CCSER1: variants seen among roughly 807,000 people sequenced by gnomAD.
CCSER1 encodes the protein serine-rich coiled-coil domain-containing protein 1.
In CCSER1, 41 loss-of-function variants were observed where a neutral mutation model predicts 82.0. The observed-to-expected ratio is 0.50, with a 90% CI of 0.39 to 0.65. The LOEUF is 0.65. Ranked by LOEUF, CCSER1 falls within the 30% of genes least tolerant of loss-of-function variation. The probability of loss-of-function intolerance (pLI) is 0.00; values close to 1 mark genes in which losing one functional copy is unlikely to be tolerated. For synonymous variants in CCSER1, 414 were observed against 383.9 expected (o/e 1.08, Z -0.92); for missense variants, 1,119 against 1,064.2 (o/e 1.05, Z -0.72).
At chr4:90,160,389 A>G (rs1729209539) in intron 1 of CCSER1, among the ~76,000 whole-genome samples, 1 of 152,220 alleles carries the variant, frequency 6.6e-6, no homozygotes, top group Non-Finnish European at 1.5e-5. Context: ...GAAGATGACT[A>G]CAGTCAGAAT....
intron 10 of CCSER1, among the ~76,000 whole-genome samples, chr4:91,342,669 C>A (rs1747795822): frequency 6.6e-6 from 1 of 152,014 alleles, no homozygotes; most frequent in Non-Finnish European, 1.5e-5. Context: ...CAACATCTAA[C>A]AAGAAATTCC....
intron 9 of CCSER1, among the ~76,000 whole-genome samples, chr4:91,040,499 A>T (rs370927984): frequency 8.5e-5 from 13 of 152,312 alleles, no homozygotes; most frequent in South Asian, 8.3e-4. Context: ...ATCCTAAATC[A>T]TATTGAAAAT....
rs1467000183 is a variant in CCSER1, at chr4:91,598,945, G to A, written c.2591G>A (p.Gly864Glu). The A allele has an allele frequency of 2.6e-6, 4 of 1,551,590 alleles. No individual in the cohort carries two copies. Among genetic ancestry groups the A allele is most frequent in the African/African-American group, 1.4e-5 (1 of 73,152 alleles). Residue 864 changes from glycine to glutamate, a missense_variant, in exon 11 of 11, where the codon GGA becomes GAA. By Grantham distance (98) the Gly-to-Glu change is moderately conservative. Transcript: ENST00000509176. ...CATTCGACCTTTACAGGCAGGTTTG[G>A]ACAGCCACCCAGAGGGCCAATCTCT... is the stretch of plus-strand genomic sequence containing the variant. ...RQHSTFTGRF[G>E]QPPRGPISLH... is the part of the protein sequence containing the mutation.
intron 10 of CCSER1, among the ~76,000 whole-genome samples, chr4:91,272,255 C>T (rs1217697320): frequency 6.6e-6 from 1 of 152,182 alleles, no homozygotes; most frequent in Non-Finnish European, 1.5e-5. Context: ...TGCATTCACA[C>T]CAATATCTAT....
At chr4:90,869,614 C>A (rs975931021) in intron 8 of CCSER1, among the ~76,000 whole-genome samples, 1 of 151,242 alleles carries the variant, frequency 6.6e-6, no homozygotes, top group African/African-American at 2.4e-5. Context: ...AGCTTTGTAG[C>A]GTTAAGTTGA....
At chr4:90,397,000 C>T (rs1305520777) in intron 3 of CCSER1, among the ~76,000 whole-genome samples, 2 of 152,022 alleles carry the variant, frequency 1.3e-5, no homozygotes, top group African/African-American at 2.4e-5. Context: ...AGGGAGAGAT[C>T]TGGAAAAGAT....
intron 1 of CCSER1, among the ~76,000 whole-genome samples, chr4:90,156,617 C>T (rs980185928): frequency 6.6e-6 from 1 of 152,146 alleles, no homozygotes; most frequent in Admixed American, 6.5e-5. Flanking sequence ...GATCCCTTTA[C>T]CATTATGTAA....
rs150121160 is a variant in CCSER1, at chr4:91,492,974, A to T, written c.2218-105598A>T. Among the ~76,000 whole-genome samples, 73 of 152,124 alleles carry T rather than the reference A, an allele frequency of 4.8e-4. No individual in the cohort carries two copies. The East Asian group carries it at 0.012, about 25-fold the overall frequency. On this transcript the variant is annotated intron_variant, in intron 10 of 10. Coordinates refer to ENST00000509176, the MANE Select transcript of CCSER1 (RefSeq NM_001145065.2). ...TGAGTTCTCATTTTACATAGTGTAG[A>T]TTATTTTGTGTGTTCCATTAAAAGC...
At chr4:91,227,459 T>C (rs2149109706) in intron 10 of CCSER1, among the ~76,000 whole-genome samples, 1 of 152,006 alleles carries the variant, frequency 6.6e-6, no homozygotes, top group East Asian at 1.9e-4. Context: ...TGTGTGTGTG[T>C]ATGTGTATGA....
chr4:91,399,520 G>A (rs771656052), intron 10 of CCSER1, among the ~76,000 whole-genome samples: 2 of 151,904 alleles, frequency 1.3e-5, no homozygotes, highest in Non-Finnish European at 2.9e-5. Context: ...TCTAACCACT[G>A]AACAGGGATT....
chr4:90,187,453 A>G (rs1734824709), intron 1 of CCSER1, among the ~76,000 whole-genome samples: 1 of 151,038 alleles, frequency 6.6e-6, no homozygotes, highest in Non-Finnish European at 1.5e-5. Flanking sequence ...ACACACACAA[A>G]CTCAATTCTG....
intron 1 of CCSER1, among the ~76,000 whole-genome samples, chr4:90,292,879 A>G (rs1340749647): frequency 6.6e-6 from 1 of 151,944 alleles, no homozygotes; most frequent in African/African-American, 2.4e-5. Context: ...AGACACAGAA[A>G]TAATTATAAA....
chr4:91,151,079 G>T (rs887465450), intron 10 of CCSER1, among the ~76,000 whole-genome samples: 1 of 152,122 alleles, frequency 6.6e-6, no homozygotes, highest in Non-Finnish European at 1.5e-5. Flanking sequence ...GTAGAATTTT[G>T]CTGTGAATCT....
Position 90,923,353 on chromosome 4 carries a change from GT to G in CCSER1, c.2095-11del, listed in dbSNP as rs1167583737. ...ACCTCACCAACAATGTGTTGTTGCT[GT>G]TTTTTCATTTTGCAGGGAAAAGTCC... On this transcript the variant is annotated splice_polypyrimidine_tract_variant and intron_variant, in intron 8 of 10. Coordinates refer to ENST00000509176, the MANE Select transcript of CCSER1 (RefSeq NM_001145065.2). The G allele has an allele frequency of 9.1e-6, 14 of 1,545,502 alleles. No homozygotes were observed. The highest frequency in any genetic ancestry group is 1.2e-5 in the South Asian group (1 of 83,966).
In CCSER1 at chr4:90,409,920, A is replaced by G. The variant is rs190881146; in HGVS notation, c.1603+9791A>G. Among the ~76,000 whole-genome samples the G allele has an allele frequency of 2.6e-4, 40 of 152,278 alleles. No individual in the cohort carries two copies. The East Asian group carries it at 6.6e-3, about 25-fold the overall frequency. Reference sequence around the variant, plus strand: ...GCAGAGACACACATAGGCTCAAAATAAAGGGATGGAGGAAGATCTACCAAG... The same window carrying G: ...GCAGAGACACACATAGGCTCAAAATGAAGGGATGGAGGAAGATCTACCAAG... On this transcript the variant is annotated intron_variant, in intron 4 of 10. Coordinates refer to ENST00000509176, the MANE Select transcript of CCSER1 (RefSeq NM_001145065.2).
intron 10 of CCSER1, among the ~76,000 whole-genome samples, chr4:91,439,125 A>C (rs1398103072): frequency 6.6e-6 from 1 of 152,212 alleles, no homozygotes; most frequent in Non-Finnish European, 1.5e-5. Context: ...CAGGAAATAC[A>C]GAGAACGCCA....
At chr4:91,374,337 C>T (rs1339654930) in intron 10 of CCSER1, among the ~76,000 whole-genome samples, 1 of 152,140 alleles carries the variant, frequency 6.6e-6, no homozygotes, top group African/African-American at 2.4e-5. Context: ...CTGTTAGAGG[C>T]TAACGCAGCT....
chr4:91,530,633 T>C (rs1175349789), intron 10 of CCSER1, among the ~76,000 whole-genome samples: 1 of 151,956 alleles, frequency 6.6e-6, no homozygotes, highest in Non-Finnish European at 1.5e-5. Context: ...TATACAACTA[T>C]GTATTTATGC....
intron 1 of CCSER1, among the ~76,000 whole-genome samples, chr4:90,289,409 A>C (rs1489012414): frequency 6.6e-6 from 1 of 151,894 alleles, no homozygotes; most frequent in Non-Finnish European, 1.5e-5. Context: ...TGTGCTAGAC[A>C]ATGTGAGCAA....
Sources: allele counts gnomAD v4.1 joint callset (sites outside exome capture counted in the v4.1 genomes callset), GRCh38; gene constraint gnomAD v4.1.1; transcripts MANE v1.5; gene names NCBI Gene and HGNC (gene_info 2026-07-23, HGNC 2026-07-21).